Variants in CENATAC observed in about 807,000 individuals in gnomAD.
CENATAC encodes the protein coiled-coil domain containing 84.
In CENATAC, 53 loss-of-function variants were observed where a neutral mutation model predicts 53.7. That is an observed-to-expected ratio of 0.99 (90% confidence interval 0.79 to 1.24). The LOEUF (loss-of-function observed/expected upper bound fraction) is 1.24, where lower values mean the gene tolerates loss of function less well. Ranked by LOEUF, CENATAC falls within the 50% of genes most tolerant of loss-of-function variation. CENATAC has a pLI of 0.00. For missense variants in CENATAC, 474 were observed against 417.8 expected, an observed-to-expected ratio of 1.13 and a Z score of -1.17; for synonymous variants, 156 against 144.6, an observed-to-expected ratio of 1.08 and a Z score of -0.57.
Position 118,998,457 on chromosome 11 carries a change from G to A in CENATAC, c.148G>A (p.Ala50Thr), listed in dbSNP as rs1455927254. The change falls in exon 2 of 11, where the codon GCC (alanine) becomes ACC (threonine). Residue 50 changes from alanine to threonine, a missense_variant. Physicochemically the swap from Ala to Thr is moderately conservative, Grantham distance 58. Coordinates refer to ENST00000334418, the MANE Select transcript of CENATAC (RefSeq NM_198489.3). ...QVEAARKAIR[A>T]AQVERYVPEH... is the part of the protein sequence containing the mutation. ...GGAGGCGGCCCGCAAGGCCATCCGC[G>A]CCGCTCAGGTGGAGCGCTATGTGCC... 1 of 1,612,660 alleles carries A rather than the reference G, an allele frequency of 6.2e-7. No individual in the cohort carries two copies. The highest frequency in any genetic ancestry group is 1.3e-5 in the African/African-American group (1 of 75,062).
rs1329610196 is a variant in CENATAC, at chr11:119,007,655, A to T, written c.384-3109A>T. Among the ~76,000 whole-genome samples, 3 of 151,724 alleles carry T rather than the reference A, an allele frequency of 2.0e-5. No homozygotes were observed. The East Asian group carries it at 5.8e-4, about 29-fold the overall frequency. On this transcript the variant is annotated intron_variant, in intron 3 of 10. Transcript: ENST00000334418. ...TAAGTGTGCACCATCACACCTGGCT[A>T]TTTCTGTATTTTTTGTAGAGACAGG...
chr11:119,014,885 T>G, intron 8 of CENATAC, 109 bp from the exon 9 acceptor site: 1 of 711,830 alleles, frequency 1.4e-6, no homozygotes, highest in South Asian at 2.1e-5. Context: ...GGCTTTGCTT[T>G]TAGACATTTC....
chr11:119,003,429 C>G, intron 3 of CENATAC: 1 of 482,760 alleles, frequency 2.1e-6, no homozygotes, highest in South Asian at 1.5e-5. Context: ...GAGCTTCCTT[C>G]TTAGCTTTTG....
At chr11:119,009,602 A>C (rs1942771762) in intron 3 of CENATAC, 1 of 152,256 alleles carries the variant, frequency 6.6e-6, no homozygotes, top group African/African-American at 2.4e-5. Context: ...AGCTTCTGGC[A>C]GACCTTCCAC....
At chr11:119,012,552 T>TC (rs1942919019) in intron 7 of CENATAC, 1 of 272,070 alleles carries the variant, frequency 3.7e-6, no homozygotes, top group African/African-American at 2.2e-5. Flanking sequence ...CCCCCACCAC[T>TC]CCTATATTTC....
intron 4 of CENATAC, 160 bp from the exon 5 acceptor site, chr11:119,011,061 C>T (rs1186293698): frequency 4.5e-6 from 3 of 665,300 alleles, no homozygotes; most frequent in Admixed American, 2.8e-5. Flanking sequence ...ACTGATCTGA[C>T]AGGAGCTCAG....
In CENATAC at chr11:119,001,673, G is replaced by A. The variant is rs781981613; in HGVS notation, c.383+2564G>A. On this transcript the variant is annotated intron_variant, in intron 3 of 10. Transcript: ENST00000334418. ...TGCAAATCTCCAAAAAAATTTTCAA[G>A]TGAACTCGTGCAGTTCAAACTTGTG... 14 of 456,032 alleles carry A rather than the reference G, an allele frequency of 3.1e-5. 1 individual carries two copies. The highest frequency in any genetic ancestry group is 1.2e-4 in the South Asian group (8 of 64,566). The allele number at this position is 456,032 out of a possible 1,614,324, so 28.2% of individuals were successfully genotyped here. A position where few individuals can be genotyped will look rare whatever the true frequency, so the allele number is the denominator to read the frequency against.
At chr11:119,010,546 T>G in intron 3 of CENATAC, 1 of 536,558 alleles carries the variant, frequency 1.9e-6, no homozygotes, top group Non-Finnish European at 3.3e-6. Context: ...TAAACCTATT[T>G]TGTTTTGGCA....
chr11:119,000,362 T>C (rs1397741667), intron 3 of CENATAC, among the ~76,000 whole-genome samples: 1 of 151,650 alleles, frequency 6.6e-6, no homozygotes, highest in African/African-American at 2.4e-5. Flanking sequence ...AATATGAAGA[T>C]AAAAAGGTAT....
In CENATAC at chr11:119,015,302, T is replaced by A; in HGVS notation, c.806-5T>A. The A allele has an allele frequency of 6.2e-7, 1 of 1,609,066 alleles. No individual in the cohort carries two copies. Among genetic ancestry groups the A allele is most frequent in the Non-Finnish European group, 8.5e-7 (1 of 1,178,458 alleles). On this transcript the variant is annotated splice_region_variant and splice_polypyrimidine_tract_variant and intron_variant, in intron 9 of 10. Transcript: ENST00000334418. ...AAAAATAAAAGTTTCCCTATCATTG[T>A]ACAGAGGAAAAACAGAAGTTGAAAA... is the stretch of plus-strand genomic sequence containing the variant.
At chr11:119,001,632 A>G (rs554732986) in intron 3 of CENATAC, 2 of 455,896 alleles carry the variant, frequency 4.4e-6, no homozygotes, top group South Asian at 3.1e-5. Flanking sequence ...TTCATCTGCA[A>G]GTTTTTTCAA....
chr11:119,011,518 T>C (rs1435372155), intron 5 of CENATAC, among the ~76,000 whole-genome samples: 1 of 152,110 alleles, frequency 6.6e-6, no homozygotes, highest in African/African-American at 2.4e-5. Flanking sequence ...TAGCTGGGAT[T>C]ACAGGTGCCG....
Position 119,015,742 on chromosome 11 carries a change from T to A in CENATAC, c.*144T>A. ...TTTAATAAAGTTTTATTTTTCCAAA[T>A]GTACAGCTGGTTGGACCTGTAAAAA... On this transcript the variant is annotated 3_prime_UTR_variant, in exon 11 of 11. Coordinates refer to ENST00000334418, the MANE Select transcript of CENATAC (RefSeq NM_198489.3). 7.9e-7 allele frequency: 1 copy of A among 1,265,424 alleles called. No homozygotes were observed. Among genetic ancestry groups the A allele is most frequent in the Non-Finnish European group, 1.1e-6 (1 of 882,078 alleles). 78.4% of individuals were successfully genotyped at this position (1,265,424 alleles called of 1,614,324 possible). A position where few individuals can be genotyped will look rare whatever the true frequency, so the allele number is the denominator to read the frequency against.
chr11:119,014,819 T>A (rs75442027), intron 8 of CENATAC, 175 bp from the exon 9 acceptor site: 1 of 481,732 alleles, frequency 2.1e-6, no homozygotes, highest in Non-Finnish European at 3.7e-6. Context: ...GACTGTCACA[T>A]ATGGGGTATG....
At chr11:118,998,625 C>G in intron 2 of CENATAC, 32 bp downstream of exon 2, 1 of 1,549,588 alleles carries the variant, frequency 6.5e-7, no homozygotes, top group Non-Finnish European at 8.7e-7. Context: ...TGCTCCAGCA[C>G]AGACGCATAC....
rs554739440 is a variant in CENATAC, at chr11:119,014,866, G to C, written c.716-128G>C. On this transcript the variant is annotated intron_variant, in intron 8 of 10. Coordinates refer to ENST00000334418, the MANE Select transcript of CENATAC (RefSeq NM_198489.3). Reference sequence around the variant, plus strand: ...TAGCCTAGGGCCTTCTAAAGCTCCAGAATTCCTGGGCTTTGCTTTTAGACA... The same window carrying C: ...TAGCCTAGGGCCTTCTAAAGCTCCACAATTCCTGGGCTTTGCTTTTAGACA... The C allele has an allele frequency of 1.2e-4, 75 of 609,420 alleles. 1 individual carries two copies. In the Admixed American group the frequency reaches 2.4e-3, roughly 19 times the overall value. The allele number at this position is 609,420 out of a possible 1,614,324, so 37.8% of individuals were successfully genotyped here. A position where few individuals can be genotyped will look rare whatever the true frequency, so the allele number is the denominator to read the frequency against.
At chr11:119,000,771 A>T (rs1349122443) in intron 3 of CENATAC, among the ~76,000 whole-genome samples, 1 of 151,952 alleles carries the variant, frequency 6.6e-6, no homozygotes, top group African/African-American at 2.4e-5. Flanking sequence ...GGAAAAAAAA[A>T]ATTCTTTTTT....
intron 9 of CENATAC, 74 bp from the exon 10 acceptor site, chr11:119,015,233 C>G: frequency 6.6e-7 from 1 of 1,509,212 alleles, no homozygotes; most frequent in Non-Finnish European, 9.0e-7. Context: ...TGAAAACAGC[C>G]TGGACAACAT....
chr11:119,009,011 TCAA>T (rs1487045152), intron 3 of CENATAC, among the ~76,000 whole-genome samples: 4 of 152,104 alleles, frequency 2.6e-5, no homozygotes, highest in Non-Finnish European at 5.9e-5. Context: ...AAGCTACAAA[TCAA>T]CAACATCTCA....
Sources: allele counts gnomAD v4.1 joint callset (sites outside exome capture counted in the v4.1 genomes callset), GRCh38; gene constraint gnomAD v4.1.1; transcripts MANE v1.5; gene names NCBI Gene and HGNC (gene_info 2026-07-23, HGNC 2026-07-21).